ACTR10: variants seen among roughly 807,000 people sequenced by gnomAD.
ACTR10 encodes the protein actin-related protein 10.
In ACTR10, 43 loss-of-function variants were observed where a neutral mutation model predicts 56.2. That is an observed-to-expected ratio of 0.77 (90% CI 0.60 to 0.99). ACTR10 has a LOEUF of 0.99. Ranked by LOEUF, ACTR10 falls within the 50% of genes least tolerant of loss-of-function variation. The pLI is 0.00. For synonymous variants in ACTR10, 170 were observed against 176.3 expected, an observed-to-expected ratio of 0.96 and a Z score of 0.28; for missense variants, 466 against 507.8, an observed-to-expected ratio of 0.92 and a Z score of 0.79.
intron 7 of ACTR10, among the ~76,000 whole-genome samples, chr14:58,216,444 A>G (rs1298600239): frequency 2.6e-5 from 4 of 152,208 alleles, no homozygotes; most frequent in African/African-American, 7.2e-5. Context: ...TTCACAAAAT[A>G]AATATAAATA....
chr14:58,231,625 A>G (rs1889536597), intron 11 of ACTR10, among the ~76,000 whole-genome samples: 1 of 152,210 alleles, frequency 6.6e-6, no homozygotes, highest in African/African-American at 2.4e-5. Flanking sequence ...TAATTTTTCT[A>G]GGAGTGTTAT....
intron 11 of ACTR10, among the ~76,000 whole-genome samples, chr14:58,230,924 C>A (rs1889515874): frequency 6.6e-6 from 1 of 152,014 alleles, no homozygotes; most frequent in South Asian, 2.1e-4. Flanking sequence ...CCTTGCCCAG[C>A]TAATTTTTGT....
At chr14:58,201,686 A>C (rs141912541) in intron 1 of ACTR10, among the ~76,000 whole-genome samples, 56 of 152,348 alleles carry the variant, frequency 3.7e-4, no homozygotes, top group African/African-American at 1.3e-3. Flanking sequence ...GAAATACCTA[A>C]ATACTCAAGA....
At chr14:58,218,925 C>T (rs906836888) in intron 7 of ACTR10, among the ~76,000 whole-genome samples, 3 of 152,090 alleles carry the variant, frequency 2.0e-5, no homozygotes, top group Admixed American at 6.6e-5. Flanking sequence ...CGAGTTCAAG[C>T]GATTCTCCTG....
At chr14:58,222,526 A>T (rs1221792069) in intron 8 of ACTR10, among the ~76,000 whole-genome samples, 1 of 152,148 alleles carries the variant, frequency 6.6e-6, no homozygotes, top group South Asian at 2.1e-4. Flanking sequence ...GCACTTTGGG[A>T]GGCCAAGGCA....
intron 7 of ACTR10, among the ~76,000 whole-genome samples, chr14:58,217,975 CTCT>C (rs1362469676): frequency 6.6e-6 from 1 of 152,090 alleles, no homozygotes; most frequent in Non-Finnish European, 1.5e-5. Context: ...CAGGGAATGC[CTCT>C]TGTTTCTAGT....
intron 2 of ACTR10, among the ~76,000 whole-genome samples, chr14:58,204,847 T>G (rs1888817332): frequency 1.3e-5 from 2 of 152,362 alleles, no homozygotes; most frequent in South Asian, 4.1e-4. Context: ...ATAGCTTGTC[T>G]TGCCTAATAT....
At chr14:58,210,168 A>T (rs905779711) in intron 4 of ACTR10, among the ~76,000 whole-genome samples, 3 of 152,200 alleles carry the variant, frequency 2.0e-5, no homozygotes, top group African/African-American at 7.2e-5. Flanking sequence ...AGATAAGGGG[A>T]ATACAGCCAT....
chr14:58,228,302 G>A (rs558208378), intron 10 of ACTR10, among the ~76,000 whole-genome samples: 2 of 152,260 alleles, frequency 1.3e-5, no homozygotes, highest in African/African-American at 4.8e-5. Flanking sequence ...GGGAAAGAAG[G>A]AAGTACTTAA....
intron 6 of ACTR10, among the ~76,000 whole-genome samples, 199 bp from the exon 7 acceptor site, chr14:58,215,006 T>G (rs1255926030): frequency 2.6e-5 from 4 of 151,736 alleles, no homozygotes; most frequent in African/African-American, 7.3e-5. Context: ...CTCGAGAGGC[T>G]GAGGCAGGAG....
intron 10 of ACTR10, among the ~76,000 whole-genome samples, chr14:58,226,514 G>T (rs1889404681): frequency 1.3e-5 from 2 of 151,406 alleles, no homozygotes; most frequent in African/African-American, 2.4e-5. Context: ...AATAAAGGAA[G>T]CCAGTATGTC....
chr14:58,213,350 A>G (rs1198224556), intron 5 of ACTR10: 1 of 247,046 alleles, frequency 4.0e-6, no homozygotes, highest in Non-Finnish European at 7.7e-6. Flanking sequence ...TATTTCATGT[A>G]TTAAGTAGCT....
At chr14:58,233,991 T>G (rs1889606477) in intron 12 of ACTR10, among the ~76,000 whole-genome samples, 1 of 152,184 alleles carries the variant, frequency 6.6e-6, no homozygotes, top group South Asian at 2.1e-4. Flanking sequence ...GGTTTTGCAG[T>G]ACCATTTTAT....
chr14:58,223,756 C>T, intron 9 of ACTR10, 27 bp from the exon 10 acceptor site: 1 of 1,607,830 alleles, frequency 6.2e-7, no homozygotes, highest in Non-Finnish European at 8.5e-7. Flanking sequence ...CATGTGTGGA[C>T]TTATGTTTAT....
At chr14:58,234,011 T>C (rs924106780) in intron 12 of ACTR10, among the ~76,000 whole-genome samples, 2 of 152,174 alleles carry the variant, frequency 1.3e-5, no homozygotes, top group Admixed American at 6.5e-5. Flanking sequence ...TTTATTGATA[T>C]GTAACCTTAG....
rs112960448 is a variant in ACTR10, at chr14:58,216,335, G to A, written c.598+1051G>A. ...TGTAGAGATGGGGTTTTGCCATGTC[G>A]CCTAGGCTGGTCTCGAACTCCTGAG... On this transcript the variant is annotated intron_variant, in intron 7 of 12. Coordinates refer to ENST00000254286, the MANE Select transcript of ACTR10 (RefSeq NM_018477.3). 9.7e-3 allele frequency among the ~76,000 whole-genome samples: 1,471 copies of A among 152,174 alleles called. 28 individuals are homozygous for A. Among genetic ancestry groups the A allele is most frequent in the African/African-American group, 0.033 (1,351 of 41,506 alleles).
intron 2 of ACTR10, among the ~76,000 whole-genome samples, chr14:58,205,050 A>T (rs1026631518): frequency 6.6e-6 from 1 of 151,862 alleles, no homozygotes; most frequent in Admixed American, 6.6e-5. Flanking sequence ...GAGAAACCCT[A>T]TCTCTACTAA....
intron 10 of ACTR10, among the ~76,000 whole-genome samples, chr14:58,228,681 CT>C (rs35498207): frequency 5.6e-4 from 23 of 40,778 alleles, no homozygotes; most frequent in Admixed American, 9.7e-4. Context: ...GCAAGACAGA[CT>C]TTTTTTTTTT....
At chr14:58,226,243 G>C (rs1185368347) in intron 10 of ACTR10, among the ~76,000 whole-genome samples, 5 of 151,916 alleles carry the variant, frequency 3.3e-5, no homozygotes, top group African/African-American at 1.2e-4. Flanking sequence ...TTCAGCCTGG[G>C]CAACAGAGTG....
Sources: allele counts gnomAD v4.1 joint callset (sites outside exome capture counted in the v4.1 genomes callset), GRCh38; gene constraint gnomAD v4.1.1; transcripts MANE v1.5; gene names NCBI Gene and HGNC (gene_info 2026-07-23, HGNC 2026-07-21).